SBF2: variants seen among roughly 807,000 people sequenced by gnomAD.
The protein encoded by SBF2 is SET binding factor 2.
SBF2 carries 112 observed loss-of-function variants against 225.2 expected under a neutral mutation model. The ratio of observed to expected loss-of-function variants is 0.50; its 90% confidence interval spans 0.43 to 0.58. The LOEUF (loss-of-function observed/expected upper bound fraction) is 0.58. Among genes scored for constraint, SBF2 ranks in the 20% least tolerant of loss-of-function variants. The pLI, the probability that SBF2 is intolerant of heterozygous loss-of-function variation, is 0.00. For synonymous variants in SBF2, 763 were observed against 773.3 expected (o/e 0.99, Z 0.22); for missense variants, 1,996 against 2,206.2 (o/e 0.90, Z 1.91).
chr11:10,211,162 A>G (rs966648619), intron 1 of SBF2, among the ~76,000 whole-genome samples: 41 of 152,204 alleles, frequency 2.7e-4, no homozygotes, highest in Admixed American at 5.9e-4. Context: ...TCCAGTATTT[A>G]GAAATTTGTT....
chr11:10,292,195 T>C lies in SBF2; in HGVS notation c.55+1820A>G, dbSNP rs149716120. 3.9e-3 allele frequency among the ~76,000 whole-genome samples: 591 copies of C among 152,336 alleles called. 3 individuals carry two copies. The highest frequency in any genetic ancestry group is 6.3e-3 in the Non-Finnish European group (427 of 68,036). The stretch of plus-strand genomic sequence containing the variant: ...CCAGTCTGAGAACTAGATGGAGTAC[T>C]GTATCACTATCCATTTCCTGTTTTG... On this transcript the variant is annotated intron_variant, in intron 1 of 39. Coordinates refer to ENST00000256190, the MANE Select transcript of SBF2 (RefSeq NM_030962.4).
chr11:10,070,135 T>G (rs1026058113), intron 2 of SBF2, among the ~76,000 whole-genome samples: 2 of 152,246 alleles, frequency 1.3e-5, no homozygotes, highest in African/African-American at 4.8e-5. Context: ...TAGTTTCTTT[T>G]GCTGGGCAGA....
intron 17 of SBF2, among the ~76,000 whole-genome samples, chr11:9,880,679 G>C (rs1419744919): frequency 6.6e-6 from 1 of 152,182 alleles, no homozygotes; most frequent in African/African-American, 2.4e-5. Flanking sequence ...CCCTACTCAA[G>C]AGTATGGTAT....
At chr11:9,867,310 G>A (rs1051593166) in intron 17 of SBF2, among the ~76,000 whole-genome samples, 4 of 151,946 alleles carry the variant, frequency 2.6e-5, no homozygotes, top group South Asian at 2.1e-4. Flanking sequence ...ATATTATCTC[G>A]TCCCAGTTAA....
intron 34 of SBF2, 57 bp from the exon 35 acceptor site, chr11:9,789,399 C>T: frequency 7.7e-7 from 1 of 1,299,686 alleles, no homozygotes; most frequent in Non-Finnish European, 1.1e-6. Context: ...CCCAAGCTCA[C>T]TGTCAGGCAA....
rs1191583031 is a variant in SBF2 at position 9,817,836 on chromosome 11, C to T, written c.3794-812G>A. Among the ~76,000 whole-genome samples, 6 of 151,790 alleles carry T rather than the reference C, an allele frequency of 4.0e-5. No homozygotes were observed. In the East Asian group the frequency reaches 1.2e-3, roughly 29 times the overall value. Reference sequence around the variant, plus strand: ...ACTTGACCGCTGGAGGTGGAGGTTGCAGTGAGCCAAGATAGCGCCACTGCG... The same window carrying T: ...ACTTGACCGCTGGAGGTGGAGGTTGTAGTGAGCCAAGATAGCGCCACTGCG... On this transcript the variant is annotated intron_variant, in intron 28 of 39. Transcript: ENST00000256190.
At chr11:10,015,469 T>C (rs1948614785) in intron 6 of SBF2, among the ~76,000 whole-genome samples, 1 of 152,212 alleles carries the variant, frequency 6.6e-6, no homozygotes, top group African/African-American at 2.4e-5. Flanking sequence ...CCTTGTCTTG[T>C]GGTTTCCTTC....
chr11:9,928,765 G>A lies in SBF2; in HGVS notation c.1861-32754C>T, dbSNP rs540392227. On this transcript the variant is annotated intron_variant, in intron 16 of 39. Coordinates refer to ENST00000256190, the MANE Select transcript of SBF2 (RefSeq NM_030962.4). Reference sequence around the variant, plus strand: ...GGTATTTGCATTGTTGGAATCTGCCGTTTGATACTGGAATACGTTCTTAAA... The same window carrying A: ...GGTATTTGCATTGTTGGAATCTGCCATTTGATACTGGAATACGTTCTTAAA... 42 of 184,876 alleles carry A rather than the reference G, an allele frequency of 2.3e-4. No individual in the cohort carries two copies. In the South Asian group the frequency reaches 2.9e-3, roughly 13 times the overall value. The allele number at this position is 184,876 out of a possible 1,614,324, so 11.5% of individuals were successfully genotyped here. A position where few individuals can be genotyped will look rare whatever the true frequency, so the allele number is the denominator to read the frequency against.
intron 28 of SBF2, among the ~76,000 whole-genome samples, chr11:9,822,155 TA>T (rs1266367769): frequency 4.1e-4 from 63 of 152,344 alleles, no homozygotes; most frequent in African/African-American, 1.4e-3. Flanking sequence ...AAGTCTATAT[TA>T]TTTTTTAAAG....
chr11:10,071,274 T>G (rs541751499), intron 2 of SBF2, among the ~76,000 whole-genome samples: 41 of 146,986 alleles, frequency 2.8e-4, no homozygotes, highest in Non-Finnish European at 4.8e-4. Flanking sequence ...TCTTTTTTTT[T>G]TTTTTTTTTT....
intron 13 of SBF2, among the ~76,000 whole-genome samples, chr11:9,978,791 T>C (rs1415054821): frequency 6.6e-6 from 1 of 151,622 alleles, no homozygotes; most frequent in African/African-American, 2.4e-5. Context: ...AGCCCAGGAG[T>C]TCCAGATCAG....
At chr11:10,078,878 C>A (rs1441932281) in intron 2 of SBF2, among the ~76,000 whole-genome samples, 3 of 152,130 alleles carry the variant, frequency 2.0e-5, no homozygotes, top group African/African-American at 7.2e-5. Flanking sequence ...CTCAGGAGGA[C>A]TTGAACCCAT....
In SBF2 at chr11:10,303,476, C is replaced by CCAGA. The variant is rs1964616996; in HGVS notation, n.386+1012_386+1015dup. On this transcript the variant is annotated intron_variant and non_coding_transcript_variant, in intron 1 of 5. Coordinates refer to the SBF2 transcript ENST00000685217. This position sits in a 1 kb window ranked among gnomAD's most constrained non-coding sequence, Gnocchi z 5.2. ...GGCAGCTAAGCCAGCAGTGCGCGGC[C>CCAGA]CAGACAGACCACTCTGGGCAAGGTC... The CCAGA allele has an allele frequency of 6.6e-6, 1 of 152,298 alleles. No homozygotes were observed. The highest frequency in any genetic ancestry group is 1.5e-5 in the Non-Finnish European group (1 of 68,108). 9.4% of individuals were successfully genotyped at this position (152,298 alleles called of 1,614,324 possible).
At chr11:9,862,974 C>A (rs1013323472) in intron 17 of SBF2, among the ~76,000 whole-genome samples, 1 of 151,806 alleles carries the variant, frequency 6.6e-6, no homozygotes, top group Non-Finnish European at 1.5e-5. Context: ...TCAATTCTGG[C>A]AACAATATTT....
intron 16 of SBF2, among the ~76,000 whole-genome samples, chr11:9,928,404 C>A (rs931986511): frequency 3.3e-5 from 5 of 152,122 alleles, no homozygotes; most frequent in African/African-American, 9.7e-5. Flanking sequence ...TGAGATACAA[C>A]CACACACCTA....
chr11:10,214,250 C>T (rs1253143004), intron 1 of SBF2, among the ~76,000 whole-genome samples: 1 of 152,082 alleles, frequency 6.6e-6, no homozygotes, highest in African/African-American at 2.4e-5. Flanking sequence ...AAAATGTCAC[C>T]AGACATTTCT....
intron 13 of SBF2, among the ~76,000 whole-genome samples, chr11:9,975,412 AT>A (rs1946637710): frequency 6.6e-6 from 1 of 152,232 alleles, no homozygotes; most frequent in Non-Finnish European, 1.5e-5. Flanking sequence ...TAATGCCATT[AT>A]GGAAAAGGCA....
intron 1 of SBF2, among the ~76,000 whole-genome samples, chr11:10,223,399 T>TTATATATATATATATATATA (rs3074175): frequency 5.1e-5 from 3 of 59,276 alleles, no homozygotes; most frequent in Admixed American, 2.1e-4. Flanking sequence ...ATTTTGCACA[T>TTATATATATATATATATATA]TATATATATA....
At chr11:10,280,275 A>G (rs1034059201) in intron 1 of SBF2, among the ~76,000 whole-genome samples, 1 of 152,208 alleles carries the variant, frequency 6.6e-6, no homozygotes, top group Non-Finnish European at 1.5e-5. Flanking sequence ...AGGGATGACT[A>G]AGAGCTGGAC....
Sources: gnomAD v4.1 joint callset for allele counts (sites outside exome capture counted in the v4.1 genomes callset) on GRCh38, gnomAD v4.1.1 for gene constraint, Gnocchi (gnomAD v3.1) non-coding constraint, MANE v1.5 for transcripts, NCBI Gene and HGNC (gene_info 2026-07-23, HGNC 2026-07-21) for gene names.